The following PDE7B variants were observed in gnomAD, a reference collection of about 807,000 sequenced individuals.
The protein encoded by PDE7B is 3',5'-cyclic-AMP phosphodiesterase 7B.
In PDE7B, 29 loss-of-function variants were observed where a neutral mutation model predicts 56.2. The observed-to-expected ratio is 0.52, with a 90% confidence interval of 0.38 to 0.70. The LOEUF is 0.70. Ranked by LOEUF, PDE7B falls within the 30% of genes least tolerant of loss-of-function variation. The pLI is 0.00. For missense variants in PDE7B, 490 were observed against 565.0 expected (o/e 0.87, Z 1.35); for synonymous variants, 197 against 196.9 (o/e 1.00, Z 0.00).
At chr6:136,019,215 T>C (rs1776029126) in intron 2 of PDE7B, among the ~76,000 whole-genome samples, 1 of 152,126 alleles carries the variant, frequency 6.6e-6, no homozygotes, top group Non-Finnish European at 1.5e-5. Context: ...ATTAATAAAC[T>C]TAAGGGCCGT....
chr6:136,149,668 T>A (rs1320093450), intron 5 of PDE7B, among the ~76,000 whole-genome samples: 1 of 152,194 alleles, frequency 6.6e-6, no homozygotes, highest in African/African-American at 2.4e-5. Flanking sequence ...GCAAACATCT[T>A]CACTGGTGTC....
intron 2 of PDE7B, among the ~76,000 whole-genome samples, chr6:136,054,649 A>G (rs1190400335): frequency 2.0e-5 from 3 of 152,116 alleles, no homozygotes; most frequent in African/African-American, 7.2e-5. Context: ...CTTGGGCAGT[A>G]TGGCCATTTT....
chr6:136,132,394 G>A (rs1778133090), intron 3 of PDE7B, among the ~76,000 whole-genome samples: 1 of 151,974 alleles, frequency 6.6e-6, no homozygotes, highest in South Asian at 2.1e-4. Context: ...GCCCTTTCCT[G>A]TAAAGAGCAG....
chr6:135,906,825 T>TTTTTTTTTTTTTTTTTTTTG, intron 1 of PDE7B, among the ~76,000 whole-genome samples: 1 of 145,854 alleles, frequency 6.9e-6, no homozygotes, highest in African/African-American at 2.6e-5. Flanking sequence ...TTTTTTTTTT[T>TTTTTTTTTTTTTTTTTTTTG]TTTTTTTTTT....
chr6:135,907,990 T>A (rs1776145300), intron 1 of PDE7B, among the ~76,000 whole-genome samples: 1 of 152,176 alleles, frequency 6.6e-6, no homozygotes, highest in South Asian at 2.1e-4. Flanking sequence ...ATTAAGTTCT[T>A]AGGAGATATT....
chr6:136,082,889 GA>G (rs575235876), intron 2 of PDE7B, among the ~76,000 whole-genome samples: 2 of 152,218 alleles, frequency 1.3e-5, no homozygotes, highest in African/African-American at 2.4e-5. Context: ...TGTGAGACGA[GA>G]AAAAAATAGT....
intron 2 of PDE7B, among the ~76,000 whole-genome samples, chr6:135,985,826 T>G (rs1472985379): frequency 6.6e-6 from 1 of 152,182 alleles, no homozygotes; most frequent in African/African-American, 2.4e-5. Flanking sequence ...GCATGCACTT[T>G]GATAGTCCCA....
intron 9 of PDE7B, among the ~76,000 whole-genome samples, chr6:136,175,189 G>A (rs1778956950): frequency 6.6e-6 from 1 of 152,060 alleles, no homozygotes; most frequent in South Asian, 2.1e-4. Context: ...GTGTCTTTGT[G>A]GAACACAGTG....
chr6:136,187,576 G>A (rs940571729), intron 12 of PDE7B, among the ~76,000 whole-genome samples: 101 of 152,170 alleles, frequency 6.6e-4, no homozygotes, highest in African/African-American at 2.2e-3. Context: ...CTATCCCGCC[G>A]CATCCTGGGA....
intron 2 of PDE7B, among the ~76,000 whole-genome samples, chr6:136,006,304 A>G (rs1775781963): frequency 6.6e-6 from 1 of 151,866 alleles, no homozygotes; most frequent in Admixed American, 6.6e-5. Flanking sequence ...ATGTATACAT[A>G]TGTAACTAAC....
Position 135,963,145 on chromosome 6 carries a change from C to A in PDE7B, c.82+15621C>A, listed in dbSNP as rs536431812. Among the ~76,000 whole-genome samples, 7 of 152,248 alleles carry A rather than the reference C, an allele frequency of 4.6e-5. No homozygotes were observed. The South Asian group carries it at 1.5e-3, about 32-fold the overall frequency. On this transcript the variant is annotated intron_variant, in intron 2 of 12. Coordinates refer to ENST00000308191, the MANE Select transcript of PDE7B (RefSeq NM_018945.4). ...AGCCACACTAGTACACATGCATGCA[C>A]GTGCACATATACACATGGAGACACA...
chr6:136,020,126 CTCT>C (rs1776045870), intron 2 of PDE7B, among the ~76,000 whole-genome samples: 1 of 152,156 alleles, frequency 6.6e-6, no homozygotes, highest in Non-Finnish European at 1.5e-5. Context: ...TTCAGTGTGT[CTCT>C]TCTTATTGTG....
chr6:136,090,287 A>T (rs1777366415), intron 2 of PDE7B, among the ~76,000 whole-genome samples: 1 of 152,202 alleles, frequency 6.6e-6, no homozygotes, highest in Non-Finnish European at 1.5e-5. Context: ...ACCCAGGAGG[A>T]TGTCTTCCAT....
At chr6:136,083,531 C>A (rs1284361960) in intron 2 of PDE7B, among the ~76,000 whole-genome samples, 1 of 152,166 alleles carries the variant, frequency 6.6e-6, no homozygotes, top group Non-Finnish European at 1.5e-5. Flanking sequence ...ATGTCTGTAG[C>A]TTTTCTCTTT....
chr6:136,017,365 A>C (rs1355957775), intron 2 of PDE7B, among the ~76,000 whole-genome samples: 1 of 152,134 alleles, frequency 6.6e-6, no homozygotes, highest in African/African-American at 2.4e-5. Context: ...ATTATACTTT[A>C]AGTTCTAGGG....
intron 1 of PDE7B, among the ~76,000 whole-genome samples, chr6:135,888,109 G>A (rs1480044728): frequency 1.3e-5 from 2 of 152,098 alleles, no homozygotes; most frequent in African/African-American, 4.8e-5. Flanking sequence ...TGCATTGAGT[G>A]CTTTTGCCTA....
intron 2 of PDE7B, among the ~76,000 whole-genome samples, chr6:135,963,125 C>T (rs191551455): frequency 1.3e-4 from 20 of 152,288 alleles, no homozygotes; most frequent in Admixed American, 1.3e-3. Context: ...AACACAGCCA[C>T]ACTAGTACAC....
chr6:136,072,293 A>G (rs1777062381), intron 2 of PDE7B, among the ~76,000 whole-genome samples: 1 of 152,228 alleles, frequency 6.6e-6, no homozygotes, highest in Non-Finnish European at 1.5e-5. Flanking sequence ...AACAGGGTAC[A>G]GGGAGAGGAA....
At chr6:136,171,890 T>C (rs1423086059) in intron 8 of PDE7B, among the ~76,000 whole-genome samples, 1 of 150,628 alleles carries the variant, frequency 6.6e-6, no homozygotes, top group Admixed American at 6.6e-5. Flanking sequence ...ATGCAGTGTT[T>C]GGTTTTTTGT....
Sources: allele counts gnomAD v4.1 joint callset (sites outside exome capture counted in the v4.1 genomes callset), GRCh38; gene constraint gnomAD v4.1.1; transcripts MANE v1.5; gene names NCBI Gene and HGNC (gene_info 2026-07-23, HGNC 2026-07-21).